The following PDGFC variants were observed in gnomAD, a reference collection of about 807,000 sequenced individuals.
PDGFC encodes platelet-derived growth factor C.
A neutral mutation model predicts 35.5 loss-of-function variants in PDGFC; 12 were observed. The observed-to-expected ratio is 0.34, with a 90% CI of 0.22 to 0.55. PDGFC has a LOEUF of 0.55. PDGFC is among the 20% of genes least tolerant of loss of function. The probability of loss-of-function intolerance (pLI) is 0.91; values close to 1 mark genes in which losing one functional copy is unlikely to be tolerated. For missense variants in PDGFC, 322 were observed against 412.4 expected (o/e 0.78, Z 1.90); for synonymous variants, 159 against 148.8 (o/e 1.07, Z -0.50).
At chr4:156,857,693 C>G (rs1014186105) in intron 1 of PDGFC, among the ~76,000 whole-genome samples, 1 of 152,070 alleles carries the variant, frequency 6.6e-6, no homozygotes, top group African/African-American at 2.4e-5. Context: ...CGAACTGACC[C>G]TAGCCAGAAG....
intron 1 of PDGFC, among the ~76,000 whole-genome samples, chr4:156,882,170 A>C (rs539357094): frequency 6.6e-6 from 1 of 152,278 alleles, no homozygotes; most frequent in African/African-American, 2.4e-5. Flanking sequence ...TCCGCAACTA[A>C]AACAATACAT....
intron 3 of PDGFC, among the ~76,000 whole-genome samples, chr4:156,780,003 A>G (rs1730932743): frequency 6.6e-6 from 1 of 152,128 alleles, no homozygotes. Context: ...ACTGCGGGTT[A>G]TAAGTAATAA....
chr4:156,826,174 A>ATTTTTT lies in PDGFC; in HGVS notation c.315-15163_315-15158dup, dbSNP rs59421806. On this transcript the variant is annotated intron_variant, in intron 2 of 5. Transcript: ENST00000502773. ...GCCACCATATCCAGCTTTGAGTTGG[A>ATTTTTT]TTTTTTTTTTTTTTTTTTTTTTTTT... Among the ~76,000 whole-genome samples the ATTTTTT allele has an allele frequency of 4.5e-3, 198 of 43,786 alleles. 29 individuals are homozygous for ATTTTTT. The highest frequency in any genetic ancestry group is 5.4e-3 in the Non-Finnish European group (132 of 24,272). The allele number at this position is 43,786 out of a possible 152,430, so 28.7% of individuals were successfully genotyped here. A position where few individuals can be genotyped will look rare whatever the true frequency, so the allele number is the denominator to read the frequency against.
At chr4:156,799,966 C>T (rs1381281424) in intron 3 of PDGFC, among the ~76,000 whole-genome samples, 2 of 152,090 alleles carry the variant, frequency 1.3e-5, no homozygotes, top group East Asian at 3.9e-4. Context: ...TCATAATCAA[C>T]AGGAATAGCA....
chr4:156,968,874 T>C (rs781441257), intron 1 of PDGFC, among the ~76,000 whole-genome samples: 5 of 152,186 alleles, frequency 3.3e-5, no homozygotes, highest in East Asian at 1.9e-4. Context: ...CAGCCTCAGA[T>C]GGCAACAGAA....
rs183509298 is a variant in PDGFC, at chr4:156,890,616, T to C, written c.119-40200A>G. On this transcript the variant is annotated intron_variant, in intron 1 of 5. Coordinates refer to ENST00000502773, the MANE Select transcript of PDGFC (RefSeq NM_016205.3). ...AGGCTACCGGGGTTCATGCACCCTC[T>C]TTGGTTGGTTTACTTATCTGTCACT... is the stretch of plus-strand genomic sequence containing the variant. 4.0e-3 allele frequency among the ~76,000 whole-genome samples: 607 copies of C among 152,290 alleles called. 1 individual carries two copies. The highest frequency in any genetic ancestry group is 0.014 in the African/African-American group (583 of 41,562).
intron 1 of PDGFC, among the ~76,000 whole-genome samples, chr4:156,929,454 T>C (rs1350486644): frequency 6.7e-6 from 1 of 149,904 alleles, no homozygotes; most frequent in African/African-American, 2.4e-5. Context: ...AAAATCAGCA[T>C]TCGTAGCAAA....
chr4:156,784,004 A>C (rs975548959), intron 3 of PDGFC, among the ~76,000 whole-genome samples: 1 of 152,160 alleles, frequency 6.6e-6, no homozygotes, highest in Non-Finnish European at 1.5e-5. Context: ...TACAGGCAAA[A>C]TTGGTAAGAA....
chr4:156,966,283 A>T (rs1579131587), intron 1 of PDGFC, among the ~76,000 whole-genome samples: 1 of 152,208 alleles, frequency 6.6e-6, no homozygotes, highest in Non-Finnish European at 1.5e-5. Flanking sequence ...TGAGTTATAT[A>T]GAGATTACAT....
intron 1 of PDGFC, among the ~76,000 whole-genome samples, chr4:156,915,086 A>C (rs957224177): frequency 6.6e-6 from 1 of 152,192 alleles, no homozygotes; most frequent in African/African-American, 2.4e-5. Flanking sequence ...GGCCAAAAAA[A>C]TGCTGCTAAA....
At chr4:156,798,192 A>AAAAAC (rs775598483) in intron 3 of PDGFC, among the ~76,000 whole-genome samples, 51 of 152,314 alleles carry the variant, frequency 3.3e-4, no homozygotes, top group Non-Finnish European at 6.2e-4. Context: ...ACTCCGTCAC[A>AAAAAC]AAAACAAAAC....
At chr4:156,816,321 A>G (rs909271234) in intron 2 of PDGFC, among the ~76,000 whole-genome samples, 1 of 152,318 alleles carries the variant, frequency 6.6e-6, no homozygotes, top group African/African-American at 2.4e-5. Flanking sequence ...TGAGAAAGGT[A>G]ATAAAATTAA....
At chr4:156,820,223 G>C (rs1231378799) in intron 2 of PDGFC, among the ~76,000 whole-genome samples, 1 of 152,178 alleles carries the variant, frequency 6.6e-6, no homozygotes, top group African/African-American at 2.4e-5. Flanking sequence ...TTAGTTGATA[G>C]AGCAGCAGCA....
chr4:156,793,472 A>G (rs1014581969), intron 3 of PDGFC, among the ~76,000 whole-genome samples: 22 of 146,484 alleles, frequency 1.5e-4, no homozygotes, highest in African/African-American at 4.6e-4. Context: ...CATTCTTGAG[A>G]AAAAAAAACA....
chr4:156,797,194 C>T (rs747865853), intron 3 of PDGFC, among the ~76,000 whole-genome samples: 13 of 150,430 alleles, frequency 8.6e-5, no homozygotes, highest in Middle Eastern at 3.4e-3. Context: ...GCAGAGATCG[C>T]GCCACTGCAC....
chr4:156,953,450 T>C (rs1732134354), intron 1 of PDGFC, among the ~76,000 whole-genome samples: 1 of 151,990 alleles, frequency 6.6e-6, no homozygotes, highest in Non-Finnish European at 1.5e-5. Context: ...AAATGTGATA[T>C]GCTATTTGGT....
chr4:156,879,177 G>A (rs567611631), intron 1 of PDGFC, among the ~76,000 whole-genome samples: 4 of 152,162 alleles, frequency 2.6e-5, no homozygotes, highest in South Asian at 2.1e-4. Context: ...TGAAAAACAT[G>A]ACAAAATTTA....
rs1227147327 is a variant in PDGFC at position 156,811,021 on chromosome 4, C to CA, written c.315-5dup. The CA allele has an allele frequency of 6.5e-7, 1 of 1,545,602 alleles. No individual in the cohort carries two copies. Among genetic ancestry groups the CA allele is most frequent in the Non-Finnish European group, 8.7e-7 (1 of 1,144,816 alleles). The stretch of plus-strand genomic sequence containing the variant: ...CTCAACTTCTACAAAATCATACCTG[C>CA]AAAAAGACAAAGGGAAAGAGACATC... On this transcript the variant is annotated splice_polypyrimidine_tract_variant and splice_region_variant and intron_variant, in intron 2 of 5. Transcript: ENST00000502773.
At chr4:156,922,425 G>A (rs1293455890) in intron 1 of PDGFC, among the ~76,000 whole-genome samples, 1 of 152,144 alleles carries the variant, frequency 6.6e-6, no homozygotes, top group Non-Finnish European at 1.5e-5. Context: ...CAGCTTACAA[G>A]TTTTAATATA....
Sources: gnomAD v4.1 joint callset for allele counts (sites outside exome capture counted in the v4.1 genomes callset) on GRCh38, gnomAD v4.1.1 for gene constraint, MANE v1.5 for transcripts, NCBI Gene and HGNC (gene_info 2026-07-23, HGNC 2026-07-21) for gene names.